WWOX: variants seen among roughly 807,000 people sequenced by gnomAD.
WWOX encodes the protein WW domain containing oxidoreductase, also known as WW domain-containing oxidoreductase.
WWOX carries 69 observed loss-of-function variants against 46.2 expected under a neutral mutation model. That is an observed-to-expected ratio of 1.49 (90% CI 1.23 to 1.82). The LOEUF (loss-of-function observed/expected upper bound fraction) is 1.82. Among genes scored for constraint, WWOX ranks in the 40% most tolerant of loss-of-function variants. The pLI is 0.00. For missense variants in WWOX, 919 were observed against 542.6 expected, an observed-to-expected ratio of 1.69 and a Z score of -6.89; for synonymous variants, 359 against 202.6, an observed-to-expected ratio of 1.77 and a Z score of -6.56.
intron 8 of WWOX, among the ~76,000 whole-genome samples, chr16:78,482,945 C>T (rs1396236510): frequency 3.3e-5 from 5 of 152,108 alleles, no homozygotes; most frequent in East Asian, 3.9e-4. Flanking sequence ...TAGAAGTGGG[C>T]GTCAAGATTT....
At chr16:78,142,049 C>G in intron 4 of WWOX, among the ~76,000 whole-genome samples, 1 of 147,068 alleles carries the variant, frequency 6.8e-6, no homozygotes, top group East Asian at 2.0e-4. Context: ...ATTTTATTAT[C>G]TCATAACAGA....
intron 8 of WWOX, among the ~76,000 whole-genome samples, chr16:79,189,963 A>G (rs1280522308): frequency 7.2e-5 from 11 of 151,780 alleles, no homozygotes; most frequent in Admixed American, 7.2e-4. Context: ...ATTAATTTGG[A>G]AGCATTTGAT....
intron 8 of WWOX, among the ~76,000 whole-genome samples, chr16:78,621,383 C>G (rs990366297): frequency 1.3e-5 from 2 of 151,956 alleles, no homozygotes; most frequent in African/African-American, 4.8e-5. Flanking sequence ...GTCTTACCTC[C>G]TCATCCTCAC....
At chr16:78,863,003 G>C (rs1164137581) in intron 8 of WWOX, among the ~76,000 whole-genome samples, 1 of 145,288 alleles carries the variant, frequency 6.9e-6, no homozygotes, top group Non-Finnish European at 1.5e-5. Flanking sequence ...TCTGTTGCCA[G>C]GGTGGAGTGC....
chr16:78,813,353 GC>G (rs536316579), intron 8 of WWOX, among the ~76,000 whole-genome samples: 2 of 151,734 alleles, frequency 1.3e-5, no homozygotes, highest in Non-Finnish European at 2.9e-5. Flanking sequence ...AGTCCAAGAA[GC>G]CTGCTTTTCT....
At chr16:78,172,015 T>G (rs912502410) in intron 5 of WWOX, among the ~76,000 whole-genome samples, 3 of 152,166 alleles carry the variant, frequency 2.0e-5, no homozygotes, top group Non-Finnish European at 4.4e-5. Context: ...TGAGGCAGTT[T>G]AGAGGCTGGA....
At chr16:78,769,553 A>C (rs928405305) in intron 8 of WWOX, among the ~76,000 whole-genome samples, 1 of 44,146 alleles carries the variant, frequency 2.3e-5, no homozygotes, top group Non-Finnish European at 4.2e-5. Flanking sequence ...TTATTTATTT[A>C]TTTATTTATT....
rs189445776 is a variant in WWOX at position 78,456,538 on chromosome 16, A to G, written c.1056+23786A>G. Among the ~76,000 whole-genome samples the G allele has an allele frequency of 6.5e-4, 99 of 152,350 alleles. 2 individuals are homozygous for G. The East Asian group carries it at 0.015, about 23-fold the overall frequency. On this transcript the variant is annotated intron_variant, in intron 8 of 8. Transcript: ENST00000566780. Reference sequence around the variant, plus strand: ...AATTCTTGTCCCAGGGATACCTGATAGAGCTAATATAGAACAATATTTTAA... The same window carrying G: ...AATTCTTGTCCCAGGGATACCTGATGGAGCTAATATAGAACAATATTTTAA...
At chr16:79,170,276 C>G (rs1475199316) in intron 8 of WWOX, among the ~76,000 whole-genome samples, 1 of 152,170 alleles carries the variant, frequency 6.6e-6, no homozygotes, top group African/African-American at 2.4e-5. Context: ...AGTGTCATCT[C>G]CAATTTATAG....
At chr16:78,712,211 C>G (rs1444011606) in intron 8 of WWOX, among the ~76,000 whole-genome samples, 4 of 151,960 alleles carry the variant, frequency 2.6e-5, no homozygotes, top group East Asian at 1.9e-4. Flanking sequence ...AGACAAAATG[C>G]TATATGCATT....
chr16:79,032,352 A>G (rs2047779975), intron 8 of WWOX, among the ~76,000 whole-genome samples: 2 of 146,276 alleles, frequency 1.4e-5, no homozygotes, highest in South Asian at 4.2e-4. Flanking sequence ...GTAATATATA[A>G]TATATTCTAT....
intron 8 of WWOX, among the ~76,000 whole-genome samples, chr16:78,480,638 T>C (rs1003922921): frequency 1.3e-5 from 2 of 152,222 alleles, no homozygotes; most frequent in Non-Finnish European, 2.9e-5. Flanking sequence ...AAATGTTATT[T>C]TTTACAGATA....
At chr16:79,178,080 A>G (rs2050837018) in intron 8 of WWOX, among the ~76,000 whole-genome samples, 1 of 152,138 alleles carries the variant, frequency 6.6e-6, no homozygotes, top group Admixed American at 6.5e-5. Context: ...TTGTGATCTA[A>G]TCACCTTTCA....
At chr16:78,978,720 C>G (rs149321568) in intron 8 of WWOX, among the ~76,000 whole-genome samples, 3 of 152,056 alleles carry the variant, frequency 2.0e-5, no homozygotes, top group Admixed American at 6.6e-5. Context: ...TGGGGAGGCG[C>G]TACACACTTT....
chr16:78,146,920 C>T (rs922614159), intron 4 of WWOX, among the ~76,000 whole-genome samples: 1 of 152,178 alleles, frequency 6.6e-6, no homozygotes, highest in African/African-American at 2.4e-5. Flanking sequence ...CCACGCGGGA[C>T]TGTTGTGGAT....
chr16:79,188,929 A>C (rs2051073283), intron 8 of WWOX, among the ~76,000 whole-genome samples: 1 of 152,206 alleles, frequency 6.6e-6, no homozygotes, highest in African/African-American at 2.4e-5. Flanking sequence ...GGAAAATATT[A>C]CTTCTCATAA....
chr16:79,075,054 C>G (rs1028452672), intron 8 of WWOX, among the ~76,000 whole-genome samples: 2 of 152,140 alleles, frequency 1.3e-5, no homozygotes, highest in Non-Finnish European at 2.9e-5. Flanking sequence ...TGAAAAATCA[C>G]TATGGAAGTG....
chr16:78,941,186 C>A (rs555636252), intron 8 of WWOX, among the ~76,000 whole-genome samples: 4 of 152,096 alleles, frequency 2.6e-5, no homozygotes, highest in Non-Finnish European at 5.9e-5. Context: ...GGAAATATCC[C>A]AGTTGCAAAG....
chr16:78,379,759 A>G (rs961218331), intron 5 of WWOX, among the ~76,000 whole-genome samples: 9 of 152,212 alleles, frequency 5.9e-5, no homozygotes, highest in African/African-American at 2.2e-4. Context: ...GCAATCTGCA[A>G]TTAACAATGA....
Sources: gnomAD v4.1 joint callset for allele counts (sites outside exome capture counted in the v4.1 genomes callset) on GRCh38, gnomAD v4.1.1 for gene constraint, MANE v1.5 for transcripts, NCBI Gene and HGNC (gene_info 2026-07-23, HGNC 2026-07-21) for gene names.